The following MPDZ variants were observed in gnomAD, a reference collection of about 807,000 sequenced individuals.
The protein encoded by MPDZ is multiple PDZ domain protein.
MPDZ carries 234 observed loss-of-function variants against 239.1 expected under a neutral mutation model. That is an observed-to-expected ratio of 0.98 (90% CI 0.88 to 1.09). MPDZ has a LOEUF of 1.09. Among genes scored for constraint, MPDZ ranks in the 50% least tolerant of loss-of-function variants. The probability of loss-of-function intolerance (pLI) is 0.00; values close to 1 mark genes in which losing one functional copy is unlikely to be tolerated. For synonymous variants in MPDZ, 1,048 were observed against 881.3 expected (o/e 1.19, Z -3.35); for missense variants, 3,175 against 2,510.0 (o/e 1.26, Z -5.66).
At chr9:13,111,148 T>G (rs1458223034) in intron 43 of MPDZ, among the ~76,000 whole-genome samples, 1 of 152,146 alleles carries the variant, frequency 6.6e-6, no homozygotes, top group East Asian at 1.9e-4. Context: ...AGGCCAAATT[T>G]GGCCCACTGC....
At position 13,224,431 on chromosome 9, in the gene MPDZ, G is replaced by A. The variant is rs1247326733; in HGVS notation, c.336C>T (p.His112=). 6.2e-7 allele frequency: 1 copy of A among 1,612,856 alleles called. No homozygotes were observed. The highest frequency in any genetic ancestry group is 1.1e-5 in the South Asian group (1 of 91,012). The part of the protein sequence containing the change: ...LEALTGPGIP[H]INGKPACDEF... ...CATCACAAGCAGGTTTCCCATTAAT[G>A]TGTGGAATACCAGGTCCTGTAAGTG... Residue 112 remains histidine (H), a synonymous_variant, in exon 4 of 47, where the codon CAC becomes CAT. Transcript: ENST00000319217.
chr9:13,130,597 T>C (rs1046841399), intron 32 of MPDZ, among the ~76,000 whole-genome samples: 2 of 152,212 alleles, frequency 1.3e-5, no homozygotes, highest in South Asian at 2.1e-4. Flanking sequence ...GGGTCAAACA[T>C]GGTTAAGTGA....
chr9:13,183,454 C>T lies in MPDZ; in HGVS notation c.2613G>A (p.Leu871=), dbSNP rs372073159. 12 of 1,610,472 alleles carry T rather than the reference C, an allele frequency of 7.5e-6. No individual in the cohort carries two copies. The Admixed American group carries it at 1.8e-4, about 25-fold the overall frequency. ...SLHGSSCGDG[L]NYGSSLPSSP... is the part of the protein sequence containing the mutation. ...ATGATGGAAGGGAAGAACCATAGTT[C>T]AGGCCATCACCACAAGAACTGCCAT... Residue 871 remains leucine, a synonymous_variant, in exon 19 of 47, where the codon CTG becomes CTA. Transcript: ENST00000319217.
intron 24 of MPDZ, among the ~76,000 whole-genome samples, chr9:13,152,293 G>A (rs756875601): frequency 6.6e-6 from 1 of 152,114 alleles, no homozygotes; most frequent in African/African-American, 2.4e-5. Context: ...CTCCCCTGCT[G>A]ATATGGTTTG....
At chr9:13,279,257 A>AT (rs1564192212) in intron 1 of MPDZ, 143 bp downstream of exon 1, 8 of 23,956 alleles carry the variant, frequency 3.3e-4, no homozygotes, top group African/African-American at 1.3e-3. Flanking sequence ...CCCTACCCCC[A>AT]CCCCCACCCC....
intron 27 of MPDZ, among the ~76,000 whole-genome samples, chr9:13,140,666 G>A (rs1947531480): frequency 6.6e-6 from 1 of 151,548 alleles, no homozygotes; most frequent in Middle Eastern, 3.2e-3. Flanking sequence ...GTAGAAAATT[G>A]TACAAACTTT....
chr9:13,193,832 A>G (rs1955273487), intron 13 of MPDZ, among the ~76,000 whole-genome samples: 1 of 152,204 alleles, frequency 6.6e-6, no homozygotes, highest in Non-Finnish European at 1.5e-5. Context: ...ACAGAATCCA[A>G]TAAATAAAAT....
chr9:13,253,757 C>G (rs1428276388), intron 1 of MPDZ, among the ~76,000 whole-genome samples: 1 of 152,118 alleles, frequency 6.6e-6, no homozygotes, highest in African/African-American at 2.4e-5. Context: ...ATCAGAGAGG[C>G]AGAAAAGAGA....
At chr9:13,186,581 G>C (rs1954137395) in intron 17 of MPDZ, among the ~76,000 whole-genome samples, 195 bp from the exon 18 acceptor site, 1 of 152,060 alleles carries the variant, frequency 6.6e-6, no homozygotes, top group African/African-American at 2.4e-5. Flanking sequence ...CATTTGATAA[G>C]ACACAATGAG....
At chr9:13,171,810 A>G (rs1406346204) in intron 21 of MPDZ, among the ~76,000 whole-genome samples, 1 of 152,180 alleles carries the variant, frequency 6.6e-6, no homozygotes, top group East Asian at 1.9e-4. Context: ...TCACTAGACA[A>G]AGAAAAAATT....
At chr9:13,139,373 A>G (rs191892444) in intron 28 of MPDZ, among the ~76,000 whole-genome samples, 81 of 152,260 alleles carry the variant, frequency 5.3e-4, no homozygotes, top group Non-Finnish European at 8.2e-4. Context: ...GAGACTCCCT[A>G]TTGGTCCTAA....
chr9:13,216,969 A>G (rs922196156), intron 9 of MPDZ, 107 bp from the exon 10 acceptor site: 3 of 877,708 alleles, frequency 3.4e-6, no homozygotes, highest in Non-Finnish European at 5.3e-6. Flanking sequence ...AATACGTATC[A>G]TCTAGTAGAA....
intron 2 of MPDZ, 34 bp downstream of exon 2, chr9:13,250,266 C>CTT (rs1967583889): frequency 6.3e-7 from 1 of 1,582,666 alleles, no homozygotes; most frequent in Non-Finnish European, 8.6e-7. Flanking sequence ...AGTTACAATT[C>CTT]TTATAAAAGT....
intron 24 of MPDZ, among the ~76,000 whole-genome samples, chr9:13,156,338 C>T (rs1315724887): frequency 6.6e-6 from 1 of 152,122 alleles, no homozygotes; most frequent in Non-Finnish European, 1.5e-5. Context: ...CTTTTTCATG[C>T]TGCTGATAAA....
chr9:13,176,143 G>A lies in MPDZ; in HGVS notation c.2924C>T (p.Ala975Val). 1 of 1,590,808 alleles carries A rather than the reference G, an allele frequency of 6.3e-7. No individual in the cohort carries two copies. The highest frequency in any genetic ancestry group is 8.6e-7 in the Non-Finnish European group (1 of 1,167,060). ...ATATCTTTAAAATATTACCTTTCCA[G>A]CTGAATCGGGTAGCACAGAAGGAAG... ...AELPSVLPDS[A>V]GKGSEYLLEQ... The change falls in exon 20 of 47, where the codon GCT becomes GTT. Residue 975 changes from alanine to valine, a missense_variant. Ala to Val is a moderately conservative substitution (Grantham distance 64). Transcript: ENST00000319217.
chr9:13,268,334 C>A (rs980148371), intron 1 of MPDZ, among the ~76,000 whole-genome samples: 2 of 151,912 alleles, frequency 1.3e-5, no homozygotes, highest in Admixed American at 6.6e-5. Context: ...AAGGTACTTG[C>A]ATAGGATCCT....
chr9:13,211,479 G>C (rs368116466), intron 10 of MPDZ, among the ~76,000 whole-genome samples: 1 of 152,064 alleles, frequency 6.6e-6, no homozygotes, highest in Non-Finnish European at 1.5e-5. Context: ...AAACACTCCA[G>C]CCAAATGAGT....
At chr9:13,229,625 A>C (rs1266553133) in intron 3 of MPDZ, among the ~76,000 whole-genome samples, 3 of 151,572 alleles carry the variant, frequency 2.0e-5, no homozygotes, top group Admixed American at 2.0e-4. Flanking sequence ...CCCCACACAC[A>C]ATTACCTTAG....
rs552839390 is a variant in MPDZ at position 13,189,527 on chromosome 9, C to T, written c.2155-534G>A. ...TTTTAACAAGGCTCCAGAGTCAGGC[C>T]CTATGAACACAACTTCCTGGAGTCA... On this transcript the variant is annotated intron_variant, in intron 16 of 46. Transcript: ENST00000319217. Among the ~76,000 whole-genome samples the T allele has an allele frequency of 1.2e-3, 190 of 152,072 alleles. 1 individual carries two copies. Among genetic ancestry groups the T allele is most frequent in the Non-Finnish European group, 2.3e-3 (156 of 67,986 alleles).
Sources: gnomAD v4.1 joint callset for allele counts (sites outside exome capture counted in the v4.1 genomes callset) on GRCh38, gnomAD v4.1.1 for gene constraint, MANE v1.5 for transcripts, NCBI Gene and HGNC (gene_info 2026-07-23, HGNC 2026-07-21) for gene names.